TRERF1: variants seen among roughly 807,000 people sequenced by gnomAD.
The protein encoded by TRERF1 is transcriptional-regulating factor 1.
Under a neutral mutation model 122.9 loss-of-function variants are expected in TRERF1, and 27 were observed. The ratio of observed to expected loss-of-function variants is 0.22; its 90% CI spans 0.16 to 0.30. The LOEUF (loss-of-function observed/expected upper bound fraction) is 0.30, where lower values mean the gene tolerates loss of function less well. Ranked by LOEUF, TRERF1 falls within the 10% of genes least tolerant of loss-of-function variation. The probability of loss-of-function intolerance (pLI) is 1.00; values close to 1 mark genes in which losing one functional copy is unlikely to be tolerated. For missense variants in TRERF1, 1,248 were observed against 1,560.3 expected, an observed-to-expected ratio of 0.80 and a Z score of 3.37; for synonymous variants, 636 against 641.7, an observed-to-expected ratio of 0.99 and a Z score of 0.13.
intron 4 of TRERF1, among the ~76,000 whole-genome samples, chr6:42,288,574 C>CAAAA (rs3074797): frequency 1.4e-4 from 12 of 86,520 alleles, no homozygotes; most frequent in East Asian, 9.8e-4. Flanking sequence ...ATCTCAAAAC[C>CAAAA]AAAAAAAAAA....
At chr6:42,349,733 T>G (rs561962517) in intron 3 of TRERF1, among the ~76,000 whole-genome samples, 5 of 152,120 alleles carry the variant, frequency 3.3e-5, no homozygotes, top group Non-Finnish European at 5.9e-5. Flanking sequence ...GCCAAAGAAT[T>G]AGTGTCTATC....
rs76434246 is a variant in TRERF1 at position 42,234,961 on chromosome 6, C to T, written c.3066+1244G>A. Among the ~76,000 whole-genome samples, 12 of 152,206 alleles carry T rather than the reference C, an allele frequency of 7.9e-5. No individual in the cohort carries two copies. In the East Asian group the frequency reaches 2.3e-3, roughly 29 times the overall value. ...ATACCATCACTTAAAGTCATTATCGCAATCATGCTGCAGTGAACACTCTAT... is the reference window on the plus strand; with the variant it reads ...ATACCATCACTTAAAGTCATTATCGTAATCATGCTGCAGTGAACACTCTAT... On this transcript the variant is annotated intron_variant, in intron 16 of 17. Coordinates refer to ENST00000372922, the Ensembl canonical transcript of TRERF1.
Position 42,259,977 on chromosome 6 carries a change from G to A in TRERF1, c.1885-254C>T, listed in dbSNP as rs1234095812. ...AGAGCTGGGGGTGGTAGGAATAGTG[G>A]GTGGGCAAGAAGTAATAAATTCAAA... On this transcript the variant is annotated intron_variant, in intron 8 of 17. Transcript: ENST00000372922. The surrounding 1 kb of genome is among the most constrained non-coding windows in gnomAD (Gnocchi z 4.9). Among the ~76,000 whole-genome samples the A allele has an allele frequency of 6.6e-6, 1 of 152,012 alleles. No homozygotes were observed. Among genetic ancestry groups the A allele is most frequent in the African/African-American group, 2.4e-5 (1 of 41,364 alleles).
At chr6:42,247,809 C>T (rs1775066790) in intron 13 of TRERF1, among the ~76,000 whole-genome samples, 1 of 152,158 alleles carries the variant, frequency 6.6e-6, no homozygotes, top group South Asian at 2.1e-4. Flanking sequence ...AAAACTCAGT[C>T]TTATTCTTCT....
At chr6:42,433,058 TACA>T (rs1463818009) in intron 2 of TRERF1, among the ~76,000 whole-genome samples, 1 of 151,902 alleles carries the variant, frequency 6.6e-6, no homozygotes, top group Non-Finnish European at 1.5e-5. Flanking sequence ...GGTGTGGAAA[TACA>T]ACAAGGCAGT....
In TRERF1 at chr6:42,259,829, C is replaced by G; in HGVS notation, c.1885-106G>C. 1.3e-6 allele frequency: 2 copies of G among 1,485,302 alleles called. No individual in the cohort carries two copies. The highest frequency in any genetic ancestry group is 2.6e-5 in the South Asian group (2 of 77,992). The allele number at this position is 1,485,302 out of a possible 1,614,324, so 92.0% of individuals were successfully genotyped here. ...TCTACTGTCTAAGCAGAGAGCCCTT[C>G]TGCTTGACCCCCCCACCCCCAACGC... On this transcript the variant is annotated intron_variant, in intron 8 of 17. Transcript: ENST00000372922. The surrounding 1 kb of genome is among the most constrained non-coding windows in gnomAD (Gnocchi z 4.9).
At chr6:42,321,040 A>T (rs1002844503) in intron 3 of TRERF1, among the ~76,000 whole-genome samples, 4 of 152,108 alleles carry the variant, frequency 2.6e-5, no homozygotes, top group African/African-American at 9.7e-5. Context: ...AACGGAGGGC[A>T]GGAATCAGAT....
intron 3 of TRERF1, among the ~76,000 whole-genome samples, chr6:42,350,349 C>T (rs376293802): frequency 1.3e-5 from 2 of 152,218 alleles, no homozygotes; most frequent in Non-Finnish European, 1.5e-5. Flanking sequence ...AATTTCCCTG[C>T]GCCACAGTTT....
chr6:42,294,869 T>A (rs1207714764), intron 4 of TRERF1, among the ~76,000 whole-genome samples: 2 of 152,148 alleles, frequency 1.3e-5, no homozygotes, highest in Non-Finnish European at 2.9e-5. Context: ...ATCTACCAGG[T>A]AAGCTCTCCA....
chr6:42,420,569 C>G (rs181367062), intron 2 of TRERF1, among the ~76,000 whole-genome samples: 254 of 152,232 alleles, frequency 1.7e-3, no homozygotes, highest in Admixed American at 3.7e-3. Context: ...AAAGTTAATT[C>G]ATGCTTATTA....
chr6:42,417,238 T>C (rs1352668898), intron 2 of TRERF1, among the ~76,000 whole-genome samples: 1 of 152,182 alleles, frequency 6.6e-6, no homozygotes, highest in East Asian at 1.9e-4. Flanking sequence ...TTCTCTTATG[T>C]AGCCAAATGG....
At chr6:42,419,945 G>T (rs1338676206) in intron 2 of TRERF1, among the ~76,000 whole-genome samples, 1 of 152,210 alleles carries the variant, frequency 6.6e-6, no homozygotes, top group East Asian at 1.9e-4. Context: ...CCAAGCAGAG[G>T]TTCTTTCCAC....
intron 3 of TRERF1, among the ~76,000 whole-genome samples, chr6:42,351,579 A>T (rs1769454563): frequency 6.6e-6 from 1 of 152,246 alleles, no homozygotes; most frequent in Non-Finnish European, 1.5e-5. Flanking sequence ...CTTTATAAAT[A>T]CAGTATCTTC....
intron 3 of TRERF1, among the ~76,000 whole-genome samples, chr6:42,321,201 A>G (rs1300167838): frequency 6.6e-6 from 1 of 151,804 alleles, no homozygotes; most frequent in East Asian, 1.9e-4. Flanking sequence ...TGAACTAACC[A>G]GCCCCAACCC....
chr6:42,334,737 G>T (rs562791646), intron 3 of TRERF1, among the ~76,000 whole-genome samples: 1 of 152,358 alleles, frequency 6.6e-6, no homozygotes, highest in South Asian at 2.1e-4. Flanking sequence ...GGAGGTCACA[G>T]CCACAGGCCC....
At chr6:42,332,680 C>T (rs980438999) in intron 3 of TRERF1, among the ~76,000 whole-genome samples, 1 of 152,190 alleles carries the variant, frequency 6.6e-6, no homozygotes. Flanking sequence ...AGGGCCCTCA[C>T]GGTTACTTAG....
chr6:42,304,691 C>G (rs1024535285), intron 3 of TRERF1, among the ~76,000 whole-genome samples: 1 of 152,186 alleles, frequency 6.6e-6, no homozygotes, highest in African/African-American at 2.4e-5. Flanking sequence ...GGCCCCTACC[C>G]CTTAGAAGTC....
rs563064979 is a variant in TRERF1, at chr6:42,232,162, G to T, written c.3278+519C>A. Among the ~76,000 whole-genome samples the T allele has an allele frequency of 6.6e-6, 1 of 152,182 alleles. No homozygotes were observed. Among genetic ancestry groups the T allele is most frequent in the Non-Finnish European group, 1.5e-5 (1 of 68,028 alleles). ...TAATTGGTTGTGCAGCTTGAAGCAT[G>T]ACAACAAAAAGTAATTGAGGCTTTG... On this transcript the variant is annotated intron_variant, in intron 17 of 17. Transcript: ENST00000372922. This position sits in a 1 kb window ranked among gnomAD's most constrained non-coding sequence, Gnocchi z 4.5.
chr6:42,368,426 C>T (rs1773163211), intron 2 of TRERF1, among the ~76,000 whole-genome samples: 1 of 152,110 alleles, frequency 6.6e-6, no homozygotes, highest in African/African-American at 2.4e-5. Flanking sequence ...AAAAAAATGA[C>T]TCATTTAGGA....
Sources: gnomAD v4.1 joint callset for allele counts (sites outside exome capture counted in the v4.1 genomes callset) on GRCh38, gnomAD v4.1.1 for gene constraint, Gnocchi (gnomAD v3.1) non-coding constraint, MANE v1.5 for transcripts, NCBI Gene and HGNC (gene_info 2026-07-23, HGNC 2026-07-21) for gene names.